The following CLVS1 variants were observed in gnomAD, a reference collection of about 807,000 sequenced individuals.
CLVS1 encodes the protein clavesin-1.
In CLVS1, 10 loss-of-function variants were observed where a neutral mutation model predicts 33.1. That is an observed-to-expected ratio of 0.30 (90% CI 0.19 to 0.51). The LOEUF (loss-of-function observed/expected upper bound fraction) is 0.51. CLVS1 is among the 20% of genes least tolerant of loss of function. The probability of loss-of-function intolerance (pLI) is 0.97; values close to 1 mark genes in which losing one functional copy is unlikely to be tolerated. For synonymous variants in CLVS1, 163 were observed against 166.1 expected (o/e 0.98, Z 0.14); for missense variants, 343 against 433.4 (o/e 0.79, Z 1.85).
chr8:61,402,239 T>C (rs1647199966), intron 3 of CLVS1, among the ~76,000 whole-genome samples: 1 of 151,904 alleles, frequency 6.6e-6, no homozygotes, highest in Non-Finnish European at 1.5e-5. Context: ...GGAATGTAAA[T>C]TTGGGGAAAA....
chr8:61,210,989 G>C (rs1056142534), intron 2 of CLVS1, among the ~76,000 whole-genome samples: 1 of 152,118 alleles, frequency 6.6e-6, no homozygotes, highest in Non-Finnish European at 1.5e-5. Flanking sequence ...CATCAGGAAG[G>C]GATGAAGAGA....
the CLVS1 span, among the ~76,000 whole-genome samples, chr8:60,968,264 C>G: frequency 6.6e-6 from 1 of 151,494 alleles, no homozygotes; most frequent in South Asian, 2.1e-4. Flanking sequence ...AATCGCAGCA[C>G]TTTGGGAGGC....
At chr8:60,997,139 G>C in the CLVS1 span, among the ~76,000 whole-genome samples, 4 of 152,162 alleles carry the variant, frequency 2.6e-5, no homozygotes, top group African/African-American at 9.7e-5. Context: ...GGATGGATTT[G>C]CTTCAGGTGG....
chr8:61,413,075 G>A (rs1446878791), intron 3 of CLVS1, among the ~76,000 whole-genome samples: 2 of 152,134 alleles, frequency 1.3e-5, no homozygotes, highest in Non-Finnish European at 2.9e-5. Context: ...CCTAAGTGCT[G>A]TGGTAAACAA....
At chr8:61,124,931 A>G (rs1563412260) in intron 1 of CLVS1, among the ~76,000 whole-genome samples, 1 of 152,198 alleles carries the variant, frequency 6.6e-6, no homozygotes, top group Non-Finnish European at 1.5e-5. Context: ...AAACATCAGC[A>G]CAGGTGAGAG....
chr8:61,060,475 G>GA (rs1804562978), intron 1 of CLVS1, among the ~76,000 whole-genome samples: 1 of 152,082 alleles, frequency 6.6e-6, no homozygotes, highest in African/African-American at 2.4e-5. Flanking sequence ...AGAGGAACCT[G>GA]AAAAAAATGC....
At chr8:61,396,533 AG>A (rs1440114869) in intron 3 of CLVS1, among the ~76,000 whole-genome samples, 1 of 152,166 alleles carries the variant, frequency 6.6e-6, no homozygotes, top group Admixed American at 6.5e-5. Flanking sequence ...AAACAGCTTG[AG>A]ATATAATTCA....
At chr8:61,417,111 C>G (rs1815468156) in intron 3 of CLVS1, among the ~76,000 whole-genome samples, 1 of 152,074 alleles carries the variant, frequency 6.6e-6, no homozygotes, top group Non-Finnish European at 1.5e-5. Flanking sequence ...ATGGGGAAGA[C>G]AGGCAGGATG....
At chr8:60,980,716 G>A in the CLVS1 span, among the ~76,000 whole-genome samples, 410 of 152,314 alleles carry the variant, frequency 2.7e-3, 5 homozygotes, top group South Asian at 0.02. Context: ...AACTCGGGAG[G>A]TGGAGGTTGC....
the CLVS1 span, among the ~76,000 whole-genome samples, chr8:61,013,467 T>C: frequency 6.6e-6 from 1 of 152,190 alleles, no homozygotes; most frequent in African/African-American, 2.4e-5. Flanking sequence ...TCCCCTCTCA[T>C]GCTCTCTTTC....
intron 3 of CLVS1, among the ~76,000 whole-genome samples, chr8:61,392,123 G>A (rs1050401481): frequency 6.6e-6 from 1 of 152,052 alleles, no homozygotes; most frequent in Non-Finnish European, 1.5e-5. Flanking sequence ...CAGTATTTGA[G>A]AGCTGTCCTA....
upstream of CLVS1, among the ~76,000 whole-genome samples, chr8:61,056,369 A>C (rs1049188642): frequency 7.9e-5 from 12 of 152,246 alleles, no homozygotes; most frequent in Non-Finnish European, 1.6e-4. Context: ...GGAAGTAAAC[A>C]TCTTAACATC....
chr8:61,168,829 C>G (rs1019569523), intron 2 of CLVS1, among the ~76,000 whole-genome samples: 1 of 152,212 alleles, frequency 6.6e-6, no homozygotes, highest in African/African-American at 2.4e-5. Context: ...CAGATTGCTA[C>G]TGCATACCCT....
chr8:61,455,100 T>C (rs1817097549), intron 4 of CLVS1, among the ~76,000 whole-genome samples: 1 of 152,120 alleles, frequency 6.6e-6, no homozygotes, highest in Non-Finnish European at 1.5e-5. Flanking sequence ...CAATGTGATG[T>C]TTTTATATAC....
At chr8:61,133,939 G>C (rs1806145597) in intron 2 of CLVS1, among the ~76,000 whole-genome samples, 1 of 152,132 alleles carries the variant, frequency 6.6e-6, no homozygotes, top group Admixed American at 6.5e-5. Flanking sequence ...AGGTATATAG[G>C]AGAAGGTTTT....
chr8:61,489,122 CT>C (rs941490251), intron 5 of CLVS1, among the ~76,000 whole-genome samples: 2 of 152,160 alleles, frequency 1.3e-5, no homozygotes, highest in African/African-American at 4.8e-5. Context: ...TCTTAGAAAA[CT>C]TTTTTCTCAA....
At chr8:61,299,148 G>C (rs1810335690) in intron 1 of CLVS1, among the ~76,000 whole-genome samples, 1 of 152,134 alleles carries the variant, frequency 6.6e-6, no homozygotes, top group African/African-American at 2.4e-5. Flanking sequence ...CACTGGCGGG[G>C]TTAAAATAGG....
the CLVS1 span, among the ~76,000 whole-genome samples, chr8:61,022,007 G>A: frequency 6.6e-6 from 1 of 152,134 alleles, no homozygotes; most frequent in African/African-American, 2.4e-5. Context: ...CTGTTCCTGT[G>A]TTAGACATTA....
At chr8:60,986,317 G>A in the CLVS1 span, among the ~76,000 whole-genome samples, 1 of 152,196 alleles carries the variant, frequency 6.6e-6, no homozygotes, top group Non-Finnish European at 1.5e-5. Context: ...AAGAAGAAAG[G>A]AAAACAAAGT....
Sources: gnomAD v4.1 joint callset for allele counts (sites outside exome capture counted in the v4.1 genomes callset) on GRCh38, gnomAD v4.1.1 for gene constraint, MANE v1.5 for transcripts, NCBI Gene and HGNC (gene_info 2026-07-23, HGNC 2026-07-21) for gene names.